Variants in NR3C2 observed in about 807,000 individuals in gnomAD.
The protein encoded by NR3C2 is nuclear receptor subfamily 3 group C member 2.
Under a neutral mutation model 86.4 loss-of-function variants are expected in NR3C2, and 15 were observed. The ratio of observed to expected loss-of-function variants is 0.17; its 90% confidence interval spans 0.12 to 0.27. NR3C2 has a LOEUF of 0.27. Ranked by LOEUF, NR3C2 falls within the 10% of genes least tolerant of loss-of-function variation. The pLI, the probability that NR3C2 is intolerant of heterozygous loss-of-function variation, is 1.00. For missense variants in NR3C2, 960 were observed against 1,195.6 expected (o/e 0.80, Z 2.91); for synonymous variants, 458 against 450.5 (o/e 1.02, Z -0.21).
Position 148,081,220 on chromosome 4 carries a change from C to T in NR3C2, c.*124G>A. 7.3e-7 allele frequency: 1 copy of T among 1,365,038 alleles called. No homozygotes were observed. The allele number at this position is 1,365,038 out of a possible 1,614,324, so 84.6% of individuals were successfully genotyped here. ...TCCAAACCTCTGACATGACTTTAAA[C>T]TTGAGAAACTGTTGAACAAGTGTGA... On this transcript the variant is annotated 3_prime_UTR_variant, in exon 9 of 9. Transcript: ENST00000358102.
chr4:148,396,814 T>G (rs1747883768), intron 2 of NR3C2, among the ~76,000 whole-genome samples: 1 of 152,222 alleles, frequency 6.6e-6, no homozygotes, highest in African/African-American at 2.4e-5. Context: ...ATTATTTCAT[T>G]AACTTACTAA....
In NR3C2 at chr4:148,436,351, G is replaced by A. The variant is rs1262812898; in HGVS notation, c.510C>T (p.Ser170=). ...PLRSFMSDSG[S]SVNGGVMRAV... ...CGCGCATGACGCCACCATTCACGGA[G>A]CTCCCAGAGTCAGACATAAATGATC... Residue 170 remains serine (S), a synonymous_variant, in exon 2 of 9, where the codon AGC becomes AGT. Transcript: ENST00000358102. The A allele has an allele frequency of 1.2e-6, 2 of 1,614,186 alleles. No individual in the cohort carries two copies. Among genetic ancestry groups the A allele is most frequent in the South Asian group, 2.2e-5 (2 of 91,080 alleles).
intron 3 of NR3C2, among the ~76,000 whole-genome samples, chr4:148,237,583 A>C (rs772019043): frequency 2.9e-4 from 44 of 152,104 alleles, no homozygotes; most frequent in South Asian, 8.3e-4. Flanking sequence ...GCACAATTTT[A>C]TGAACTTATT....
chr4:148,164,434 A>T (rs35644313), intron 4 of NR3C2, among the ~76,000 whole-genome samples: 2,811 of 152,356 alleles, frequency 0.018, 38 homozygotes, highest in Middle Eastern at 0.037. Flanking sequence ...AATCAAATTT[A>T]CATTCTTTAG....
chr4:148,276,624 C>T (rs1740973542), intron 2 of NR3C2, among the ~76,000 whole-genome samples: 1 of 152,098 alleles, frequency 6.6e-6, no homozygotes, highest in African/African-American at 2.4e-5. Context: ...CATAATGGTG[C>T]TCATTTAGCA....
chr4:148,125,584 CT>C (rs934084609), intron 6 of NR3C2, among the ~76,000 whole-genome samples: 42 of 149,292 alleles, frequency 2.8e-4, no homozygotes, highest in East Asian at 9.7e-4. Context: ...ATATTTAAGA[CT>C]TTTTTTTTTA....
chr4:148,108,696 G>A (rs985643936), intron 8 of NR3C2, among the ~76,000 whole-genome samples: 1 of 152,178 alleles, frequency 6.6e-6, no homozygotes, highest in African/African-American at 2.4e-5. Flanking sequence ...CACCCCAGGG[G>A]TAGGTTCCCA....
At chr4:148,309,691 G>A (rs576583624) in intron 2 of NR3C2, among the ~76,000 whole-genome samples, 1 of 152,288 alleles carries the variant, frequency 6.6e-6, no homozygotes, top group African/African-American at 2.4e-5. Flanking sequence ...AAGATGCAGT[G>A]TTTTTATGAA....
intron 2 of NR3C2, among the ~76,000 whole-genome samples, chr4:148,271,747 G>A (rs1740697077): frequency 6.6e-6 from 1 of 151,842 alleles, no homozygotes; most frequent in Non-Finnish European, 1.5e-5. Context: ...GGTATACTTG[G>A]CCCTTATTAG....
At chr4:148,227,657 T>G (rs994956101) in intron 3 of NR3C2, among the ~76,000 whole-genome samples, 12 of 152,232 alleles carry the variant, frequency 7.9e-5, no homozygotes, top group African/African-American at 2.7e-4. Context: ...CTGTAAGCTG[T>G]CCCTTTTTCA....
chr4:148,416,003 G>T (rs1748976123), intron 2 of NR3C2, among the ~76,000 whole-genome samples: 2 of 151,612 alleles, frequency 1.3e-5, no homozygotes, highest in Non-Finnish European at 2.9e-5. Flanking sequence ...ATACGTAACT[G>T]AGCAGACACA....
At chr4:148,246,899 T>C (rs17484118) in intron 3 of NR3C2, among the ~76,000 whole-genome samples, 24,060 of 152,256 alleles carry the variant, frequency 0.16, 2,412 homozygotes, top group Admixed American at 0.21. Context: ...GAACTTTATA[T>C]CTAAAACCAT....
intron 2 of NR3C2, among the ~76,000 whole-genome samples, chr4:148,370,650 AT>A (rs1194725470): frequency 6.6e-6 from 1 of 152,182 alleles, no homozygotes; most frequent in African/African-American, 2.4e-5. Context: ...AGAAATTAAA[AT>A]GGATGAATGG....
chr4:148,130,719 G>A (rs1343723170), intron 6 of NR3C2, among the ~76,000 whole-genome samples: 1 of 150,762 alleles, frequency 6.6e-6, no homozygotes, highest in Non-Finnish European at 1.5e-5. Context: ...CAAAACAAAG[G>A]TTGTTTTGTT....
At chr4:148,445,086 G>A, upstream of NR3C2, 1 of 813,198 alleles carries the variant, frequency 1.2e-6, no homozygotes, top group Non-Finnish European at 1.5e-6. Context: ...CAGGGGCGCC[G>A]GCAGCCGCCC....
chr4:148,169,650 A>T (rs1315322906), intron 4 of NR3C2, among the ~76,000 whole-genome samples: 1 of 152,238 alleles, frequency 6.6e-6, no homozygotes, highest in Non-Finnish European at 1.5e-5. Context: ...GTAATGGGAT[A>T]TAACTGAGAA....
intron 2 of NR3C2, among the ~76,000 whole-genome samples, chr4:148,300,231 T>C (rs998819198): frequency 6.6e-6 from 1 of 152,192 alleles, no homozygotes; most frequent in Non-Finnish European, 1.5e-5. Context: ...CCAGGTTCAG[T>C]CCTGGCTTAG....
At chr4:148,246,114 C>T (rs967442406) in intron 3 of NR3C2, among the ~76,000 whole-genome samples, 5 of 151,494 alleles carry the variant, frequency 3.3e-5, no homozygotes, top group African/African-American at 1.2e-4. Context: ...ACAACAACAA[C>T]AACAACAAAA....
At chr4:148,244,042 C>T (rs1476003152) in intron 3 of NR3C2, among the ~76,000 whole-genome samples, 1 of 152,138 alleles carries the variant, frequency 6.6e-6, no homozygotes, top group Non-Finnish European at 1.5e-5. Context: ...TAATATGTAC[C>T]AGCAGTGACG....
Sources: gnomAD v4.1 joint callset for allele counts (sites outside exome capture counted in the v4.1 genomes callset) on GRCh38, gnomAD v4.1.1 for gene constraint, MANE v1.5 for transcripts, NCBI Gene and HGNC (gene_info 2026-07-23, HGNC 2026-07-21) for gene names.